The following NHS variants were observed in gnomAD, a reference collection of about 807,000 sequenced individuals.
NHS encodes NHS actin remodeling regulator, also known as actin remodeling regulator NHS.
Under a neutral mutation model 72.5 loss-of-function variants are expected in NHS, and 5 were observed. That is an observed-to-expected ratio of 0.07 (90% CI 0.04 to 0.14). The LOEUF (loss-of-function observed/expected upper bound fraction) is 0.14, where lower values mean the gene tolerates loss of function less well. Ranked by LOEUF, NHS falls within the 10% of genes least tolerant of loss-of-function variation. The pLI is 1.00. For synonymous variants in NHS, 464 were observed against 547.7 expected (o/e 0.85, Z 2.13); for missense variants, 1,072 against 1,355.7 (o/e 0.79, Z 3.29).
intron 1 of NHS, among the ~76,000 whole-genome samples, chrX:17,481,823 C>T (rs895033049): frequency 1.8e-5 from 2 of 111,809 alleles, no homozygotes; most frequent in Admixed American, 1.9e-4. Context: ...TATTCTGACT[C>T]GTGTCACCAT....
intron 1 of NHS, among the ~76,000 whole-genome samples, chrX:17,425,551 AAAAAAAAAAAAAAAAAAAAAGAAAG>A (rs2064651491): frequency 3.1e-5 from 2 of 64,986 alleles, no homozygotes; most frequent in African/African-American, 8.6e-5. Flanking sequence ...AAAAAAAAAA[AAAAAAAAAAAAAAAAAAAAAGAAAG>A]AAAGAAAGAA....
chrX:17,678,398 C>T (rs1442522868), intron 1 of NHS, among the ~76,000 whole-genome samples: 1 of 110,793 alleles, frequency 9.0e-6, no homozygotes, highest in Non-Finnish European at 1.9e-5. Context: ...GTTTAATTGG[C>T]TCATGGTTCT....
At chrX:17,567,835 G>C (rs1315769966) in intron 1 of NHS, among the ~76,000 whole-genome samples, 2 of 110,611 alleles carry the variant, frequency 1.8e-5, no homozygotes, top group Non-Finnish European at 3.8e-5. Flanking sequence ...GGGAGAAAGG[G>C]AAAAAGAAAG....
At chrX:17,702,199 A>G (rs2066269088) in intron 3 of NHS, among the ~76,000 whole-genome samples, 1 of 111,404 alleles carries the variant, frequency 9.0e-6, no homozygotes, top group South Asian at 3.8e-4. Context: ...ATGTGAGGAG[A>G]ACCCCAAATG....
intron 1 of NHS, among the ~76,000 whole-genome samples, chrX:17,469,118 T>A (rs1014410318): frequency 3.6e-5 from 4 of 112,058 alleles, no homozygotes; most frequent in Non-Finnish European, 5.6e-5. Context: ...ACATTATGTT[T>A]GTGAGAGTCA....
At chrX:17,652,068 T>C (rs2065933155) in intron 1 of NHS, among the ~76,000 whole-genome samples, 1 of 112,595 alleles carries the variant, frequency 8.9e-6, no homozygotes, top group African/African-American at 3.2e-5. Flanking sequence ...CATCCATGGC[T>C]GCTTTTGAGC....
chrX:17,605,363 T>C (rs938897606), intron 1 of NHS, among the ~76,000 whole-genome samples: 3 of 111,750 alleles, frequency 2.7e-5, no homozygotes, highest in Admixed American at 9.5e-5. Flanking sequence ...AGTGCTGTAA[T>C]AGAGGTTGGA....
intron 1 of NHS, among the ~76,000 whole-genome samples, chrX:17,554,452 G>C (rs1213053644): frequency 1.8e-5 from 2 of 112,498 alleles, no homozygotes; most frequent in East Asian, 5.6e-4. Flanking sequence ...AAAAGGTGAT[G>C]ATGACAAGGT....
intron 3 of NHS, among the ~76,000 whole-genome samples, chrX:17,701,212 A>G (rs2066261635): frequency 8.9e-6 from 1 of 111,967 alleles, no homozygotes; most frequent in Non-Finnish European, 1.9e-5. Flanking sequence ...AAATTGCCTG[A>G]GGACGTATTT....
chrX:17,537,369 A>G (rs1161290031), intron 1 of NHS, among the ~76,000 whole-genome samples: 1 of 112,720 alleles, frequency 8.9e-6, no homozygotes, highest in Non-Finnish European at 1.9e-5. Flanking sequence ...AGAAGAAGAC[A>G]GAATCTCTTT....
At chrX:17,688,066 A>C (rs927921647) in intron 2 of NHS, among the ~76,000 whole-genome samples, 172 bp downstream of exon 2, 3 of 112,385 alleles carry the variant, frequency 2.7e-5, no homozygotes, top group African/African-American at 9.7e-5. Context: ...CAACCCATAC[A>C]CATAAGAAAA....
At chrX:17,464,537 C>T (rs1033439876) in intron 1 of NHS, among the ~76,000 whole-genome samples, 1 of 112,185 alleles carries the variant, frequency 8.9e-6, no homozygotes, top group East Asian at 2.8e-4. Context: ...CACATCCCAC[C>T]TCCTATAATT....
chrX:17,687,527 G>A lies in NHS; in HGVS notation c.566-215G>A, dbSNP rs1601836357. On this transcript the variant is annotated intron_variant, in intron 1 of 8. Transcript: ENST00000676302. ...ATAGGTAGACGGTTGGTGTCTTGGA[G>A]CCTCCCGTGCCTCGGCTCAGGGGCA... The A allele has an allele frequency of 1.3e-5, 6 of 466,820 alleles. No individual in the cohort carries two copies. In the East Asian group the frequency reaches 2.3e-4, roughly 18 times the overall value. The allele number at this position is 466,820 out of a possible 1,213,427, so 38.5% of individuals were successfully genotyped here.
intron 3 of NHS, among the ~76,000 whole-genome samples, chrX:17,711,087 A>G (rs1029902426): frequency 7.1e-5 from 8 of 112,446 alleles, no homozygotes; most frequent in African/African-American, 9.7e-5. Context: ...GTAGCAGTTC[A>G]AAGATTCTTT....
chrX:17,603,340 G>T (rs571826902), intron 1 of NHS, among the ~76,000 whole-genome samples: 1 of 111,984 alleles, frequency 8.9e-6, no homozygotes, highest in African/African-American at 3.2e-5. Flanking sequence ...TTAGGCTTGG[G>T]GGTTTAAATC....
rs144868356 is a variant in NHS, at chrX:17,552,769, A to G, written c.566-134973A>G. On this transcript the variant is annotated intron_variant, in intron 1 of 8. Transcript: ENST00000676302. ...CCTCCCTGAAATAGAGAGGAATTCT[A>G]GATCCTTCATGTTCAAAGCATCAGC... 1.1e-3 allele frequency among the ~76,000 whole-genome samples: 123 copies of G among 111,803 alleles called. 5 individuals carry two copies. The East Asian group carries it at 0.02, about 19-fold the overall frequency.
At chrX:17,693,009 G>T (rs956382774) in intron 3 of NHS, among the ~76,000 whole-genome samples, 2 of 111,854 alleles carry the variant, frequency 1.8e-5, no homozygotes, top group African/African-American at 3.3e-5. Flanking sequence ...AACTGGTAAA[G>T]AACTTAAGTG....
chrX:17,434,537 G>A (rs1427284534), intron 1 of NHS, among the ~76,000 whole-genome samples: 2 of 103,010 alleles, frequency 1.9e-5, no homozygotes, highest in African/African-American at 3.7e-5. Flanking sequence ...TCCGCCTCCC[G>A]GGTTCACGCC....
At chrX:17,568,452 T>A (rs942304064) in intron 1 of NHS, among the ~76,000 whole-genome samples, 8 of 111,139 alleles carry the variant, frequency 7.2e-5, no homozygotes, top group African/African-American at 2.6e-4. Context: ...TATAATCTGA[T>A]GGCATAATAA....
Sources: allele counts gnomAD v4.1 joint callset (sites outside exome capture counted in the v4.1 genomes callset), GRCh38; gene constraint gnomAD v4.1.1; transcripts MANE v1.5; gene names NCBI Gene and HGNC (gene_info 2026-07-23, HGNC 2026-07-21).